The following MACF1 variants were observed in gnomAD, a reference collection of about 807,000 sequenced individuals.
The protein encoded by MACF1 is microtubule-actin cross-linking factor 1.
In MACF1, 193 loss-of-function variants were observed where a neutral mutation model predicts 854.8. That is an observed-to-expected ratio of 0.23 (90% CI 0.20 to 0.25). The LOEUF (loss-of-function observed/expected upper bound fraction) is 0.25. Ranked by LOEUF, MACF1 falls within the 10% of genes least tolerant of loss-of-function variation. The pLI is 1.00. For missense variants in MACF1, 7,722 were observed against 8,929.1 expected, an observed-to-expected ratio of 0.86 and a Z score of 5.45; for synonymous variants, 3,185 against 3,226.7, an observed-to-expected ratio of 0.99 and a Z score of 0.44.
At chr1:39,463,927 G>A (rs947513053) in intron 94 of MACF1, 1 of 375,390 alleles carries the variant, frequency 2.7e-6, no homozygotes, top group Non-Finnish European at 5.1e-6. Context: ...TTTCAGAGCT[G>A]TCACTTCACA....
rs1557655738 is a variant in MACF1 at position 39,439,984 on chromosome 1, AT to A, written c.18447+485del. Among the ~76,000 whole-genome samples, 38 of 152,250 alleles carry A rather than the reference AT, an allele frequency of 2.5e-4. No individual in the cohort carries two copies. The East Asian group carries it at 6.0e-3, about 24-fold the overall frequency. ...TATTACATTTCTTAAATGTAGAAAA[AT>A]AGATGGTAGAAAATAAAAATCAATT... On this transcript the variant is annotated intron_variant, in intron 72 of 100. Coordinates refer to ENST00000564288, the MANE Select transcript of MACF1 (RefSeq NM_001394062.1).
At chr1:39,248,992 C>T (rs372842600) in intron 2 of MACF1, among the ~76,000 whole-genome samples, 6 of 152,244 alleles carry the variant, frequency 3.9e-5, no homozygotes, top group African/African-American at 1.4e-4. Context: ...AGGGATCCTC[C>T]TGCCTTGGCC....
At chr1:39,226,556 G>A (rs1644718696) in intron 1 of MACF1, among the ~76,000 whole-genome samples, 1 of 152,018 alleles carries the variant, frequency 6.6e-6, no homozygotes, top group Admixed American at 6.6e-5. Context: ...GGTCAGGCTG[G>A]TCTCGAACGC....
intron 2 of MACF1, among the ~76,000 whole-genome samples, chr1:39,196,249 A>G (rs899116565): frequency 6.6e-6 from 1 of 152,252 alleles, no homozygotes; most frequent in South Asian, 2.1e-4. Context: ...TATAATACTC[A>G]TGGCATCTAT....
rs1417436787 is a variant in MACF1, at chr1:39,084,197, T to C, written c.-22T>C. The C allele has an allele frequency of 1.2e-5, 20 of 1,608,452 alleles. No homozygotes were observed. The highest frequency in any genetic ancestry group is 1.6e-5 in the Non-Finnish European group (19 of 1,178,102). ...TTCTCCCTGGGCTCCCAGGCCCTCC[T>C]GCAGCAGCCCCCGCCTGGGCCATGT... On this transcript the variant is annotated 5_prime_UTR_variant, in exon 2 of 94. Transcript: ENST00000361689. The surrounding 1 kb of genome is among the most constrained non-coding windows in gnomAD (Gnocchi z 5.2).
At chr1:39,369,861 G>A (rs1466350446) in intron 50 of MACF1, among the ~76,000 whole-genome samples, 169 bp from the exon 51 acceptor site, 2 of 152,146 alleles carry the variant, frequency 1.3e-5, no homozygotes, top group Non-Finnish European at 2.9e-5. Context: ...AGTTTGGTAC[G>A]CTTCAATGTT....
chr1:39,177,674 A>AT lies in MACF1; in HGVS notation c.221-53507dup, dbSNP rs201557803. 8.7e-3 allele frequency among the ~76,000 whole-genome samples: 1,318 copies of AT among 152,124 alleles called. 24 individuals carry two copies. The highest frequency in any genetic ancestry group is 0.03 in the African/African-American group (1,247 of 41,480). On this transcript the variant is annotated intron_variant, in intron 2 of 93. Transcript: ENST00000361689. ...CATGCCTAGTTTCTGATTGGCATTG[A>AT]TAATATAACCATCTTTCAGAGAGTC... is the stretch of plus-strand genomic sequence containing the variant.
In MACF1 at chr1:39,414,491, T is replaced by C. The variant is rs372110907; in HGVS notation, c.15817-7883T>C. ...AATTCAGATGAGGTAATTGTCCATTTTGATTCTGGGAAGGGTCTAAAGAGT... is the reference window on the plus strand; with the variant it reads ...AATTCAGATGAGGTAATTGTCCATTCTGATTCTGGGAAGGGTCTAAAGAGT... On this transcript the variant is annotated intron_variant, in intron 58 of 100. Coordinates refer to ENST00000564288, the MANE Select transcript of MACF1 (RefSeq NM_001394062.1). 127 of 1,613,956 alleles carry C rather than the reference T, an allele frequency of 7.9e-5. No homozygotes were observed. In the East Asian group the frequency reaches 1.5e-3, roughly 20 times the overall value.
chr1:39,122,014 G>A (rs561702989), intron 2 of MACF1, among the ~76,000 whole-genome samples: 1 of 152,154 alleles, frequency 6.6e-6, no homozygotes, highest in East Asian at 1.9e-4. Flanking sequence ...GGTCTGATTT[G>A]AACTACTCAA....
chr1:39,276,885 G>A (rs1427111636), intron 6 of MACF1, among the ~76,000 whole-genome samples: 3 of 152,052 alleles, frequency 2.0e-5, no homozygotes, highest in Non-Finnish European at 4.4e-5. Flanking sequence ...ATGAAAAAGG[G>A]TGAATAAATC....
At chr1:39,413,008 T>G (rs866089901) in intron 58 of MACF1, 2 of 1,583,414 alleles carry the variant, frequency 1.3e-6, no homozygotes, top group Middle Eastern at 3.3e-4. Context: ...TGTTACAGTA[T>G]CTGTCCCTGA....
At chr1:39,102,433 GC>G (rs34201041) in intron 2 of MACF1, among the ~76,000 whole-genome samples, 15,961 of 41,384 alleles carry the variant, frequency 0.39, 1,121 homozygotes, top group Middle Eastern at 0.45. Flanking sequence ...TTAATTGGAG[GC>G]GGGGGGGGGG....
intron 2 of MACF1, among the ~76,000 whole-genome samples, chr1:39,101,947 C>T (rs1237185259): frequency 6.6e-6 from 1 of 150,924 alleles, no homozygotes; most frequent in Non-Finnish European, 1.5e-5. Context: ...AAGGCCGATG[C>T]GGGCGGATCA....
At position 39,368,313 on chromosome 1, in the gene MACF1, A is replaced by C; in HGVS notation, c.12937A>C (p.Arg4313=). ...AGAGCTACAGAAGACAGTTAAAGAGAGGTGAGTTATCACTTGTGTTGGTCA... is the reference window on the plus strand; with the variant it reads ...AGAGCTACAGAAGACAGTTAAAGAGCGGTGAGTTATCACTTGTGTTGGTCA... ...FTELQKTVKE[R]EKDASSCQEQ... is the part of the protein sequence containing the mutation. The change falls in exon 50 of 101, where the codon AGA becomes CGA. Residue 4313 remains arginine, a splice_region_variant and synonymous_variant. Transcript: ENST00000564288. The C allele has an allele frequency of 1.2e-6, 2 of 1,611,746 alleles. No individual in the cohort carries two copies. The highest frequency in any genetic ancestry group is 1.1e-5 in the South Asian group (1 of 91,014).
chr1:39,437,633 C>CGG, intron 70 of MACF1, 144 bp from the exon 71 acceptor site: 1 of 750,124 alleles, frequency 1.3e-6, no homozygotes, highest in Non-Finnish European at 2.3e-6. Flanking sequence ...CTTAACCAAA[C>CGG]TCAACACTTA....
Position 39,430,790 on chromosome 1 carries a change from G to C in MACF1, c.17219G>C (p.Arg5740Thr). The C allele has an allele frequency of 6.2e-7, 1 of 1,612,572 alleles. No individual in the cohort carries two copies. The highest frequency in any genetic ancestry group is 8.5e-7 in the Non-Finnish European group (1 of 1,180,020). ...GCTCTCTTAGAGCTGGTGCCCTGGA[G>C]AGCCAGAGAAGGGCTGGATAAACTT... is the stretch of plus-strand genomic sequence containing the variant. ...SRALLELVPW[R>T]AREGLDKLVS... The change falls in exon 66 of 101, where the codon AGA becomes ACA. Residue 5740 changes from arginine (R) to threonine (T), a missense_variant. Arg to Thr is a moderately conservative substitution (Grantham distance 71). This residue lies in a region of MACF1 where 2,807 missense variants were observed against 3,235.8 expected (regional missense o/e 0.87). Transcript: ENST00000564288.
intron 6 of MACF1, among the ~76,000 whole-genome samples, chr1:39,273,909 T>A (rs1457852046): frequency 6.6e-6 from 1 of 152,202 alleles, no homozygotes; most frequent in Non-Finnish European, 1.5e-5. Context: ...TTTAAAAAAA[T>A]TTTACTTAAT....
intron 69 of MACF1, 85 bp downstream of exon 69, chr1:39,434,717 G>A: frequency 3.5e-6 from 4 of 1,144,252 alleles, no homozygotes; most frequent in Non-Finnish European, 5.0e-6. Flanking sequence ...GTGTCTATAG[G>A]TGCAAGTTCT....
intron 1 of MACF1, among the ~76,000 whole-genome samples, chr1:39,223,244 G>A (rs953112517): frequency 6.6e-6 from 1 of 152,188 alleles, no homozygotes. Context: ...TGGAAAGGTA[G>A]AGGGATGAGT....
Sources: allele counts gnomAD v4.1 joint callset (sites outside exome capture counted in the v4.1 genomes callset), GRCh38; gene constraint gnomAD v4.1.1; regional missense constraint gnomAD v4.1.1; non-coding constraint Gnocchi (gnomAD v3.1); transcripts MANE v1.5; gene names NCBI Gene and HGNC (gene_info 2026-07-23, HGNC 2026-07-21).